Variants in AUTS2 observed in about 807,000 individuals in gnomAD.
AUTS2 encodes activator of transcription and developmental regulator AUTS2, also known as autism susceptibility gene 2 protein.
In AUTS2, 17 loss-of-function variants were observed where a neutral mutation model predicts 112.4. The observed-to-expected ratio is 0.15, with a 90% CI of 0.10 to 0.23. The LOEUF is 0.23. Ranked by LOEUF, AUTS2 falls within the 10% of genes least tolerant of loss-of-function variation. AUTS2 has a pLI of 1.00. For missense variants in AUTS2, 1,510 were observed against 1,701.6 expected (o/e 0.89, Z 1.98); for synonymous variants, 751 against 702.7 (o/e 1.07, Z -1.09).
chr7:70,738,128 G>T (rs1787876670), intron 6 of AUTS2, among the ~76,000 whole-genome samples: 1 of 152,202 alleles, frequency 6.6e-6, no homozygotes, highest in East Asian at 1.9e-4. Context: ...TACTTCATGG[G>T]CCCTTCTGCA....
intron 1 of AUTS2, among the ~76,000 whole-genome samples, chr7:69,864,719 C>T (rs779206018): frequency 2.6e-5 from 4 of 152,058 alleles, no homozygotes; most frequent in Non-Finnish European, 4.4e-5. Flanking sequence ...AATCGGATAA[C>T]AGAAGCATTA....
intron 1 of AUTS2, among the ~76,000 whole-genome samples, chr7:69,809,553 CA>C (rs1200853946): frequency 6.6e-6 from 1 of 152,190 alleles, no homozygotes; most frequent in East Asian, 1.9e-4. Flanking sequence ...CCACCCCAAT[CA>C]AAAGACAAAT....
chr7:70,513,756 T>A (rs1799302453), intron 5 of AUTS2, among the ~76,000 whole-genome samples: 1 of 151,672 alleles, frequency 6.6e-6, no homozygotes, highest in African/African-American at 2.4e-5. Context: ...TGCTCCTGGA[T>A]TCAAGTGATT....
chr7:70,746,099 CA>C (rs1311251673), intron 6 of AUTS2, among the ~76,000 whole-genome samples: 5 of 152,142 alleles, frequency 3.3e-5, no homozygotes, highest in African/African-American at 7.2e-5. Flanking sequence ...AATCATTCCT[CA>C]AAAAAGTTGT....
chr7:69,904,660 T>A (rs1395656104), intron 2 of AUTS2, among the ~76,000 whole-genome samples: 1 of 152,210 alleles, frequency 6.6e-6, no homozygotes, highest in Non-Finnish European at 1.5e-5. Flanking sequence ...ACTTCAAAAT[T>A]TCAAGTTTAC....
At chr7:70,418,963 T>C (rs958441383) in intron 4 of AUTS2, among the ~76,000 whole-genome samples, 1 of 152,054 alleles carries the variant, frequency 6.6e-6, no homozygotes, top group East Asian at 1.9e-4. Flanking sequence ...AAAGTAGCAG[T>C]TTTTAATGTA....
intron 1 of AUTS2, among the ~76,000 whole-genome samples, chr7:69,831,010 G>C (rs780127556): frequency 3.9e-5 from 6 of 152,140 alleles, no homozygotes; most frequent in South Asian, 2.1e-4. Flanking sequence ...GAAAGGACAG[G>C]AAAGGAAGGC....
chr7:70,177,022 A>G (rs1470001818), intron 4 of AUTS2, among the ~76,000 whole-genome samples: 1 of 152,242 alleles, frequency 6.6e-6, no homozygotes, highest in Non-Finnish European at 1.5e-5. Context: ...TCAATGCAAA[A>G]TATCATCATT....
intron 2 of AUTS2, among the ~76,000 whole-genome samples, chr7:69,977,902 ATCT>A (rs1470172720): frequency 6.6e-6 from 1 of 152,144 alleles, no homozygotes; most frequent in Non-Finnish European, 1.5e-5. Flanking sequence ...CCAGTACGTC[ATCT>A]TCTTTTCACT....
At chr7:70,225,412 T>C (rs1811710953) in intron 4 of AUTS2, among the ~76,000 whole-genome samples, 1 of 152,180 alleles carries the variant, frequency 6.6e-6, no homozygotes, top group Non-Finnish European at 1.5e-5. Context: ...ATTTCTCTTA[T>C]AGCATCTTGA....
chr7:69,766,253 A>G (rs1475068373), intron 1 of AUTS2, among the ~76,000 whole-genome samples: 1 of 152,188 alleles, frequency 6.6e-6, no homozygotes, highest in African/African-American at 2.4e-5. Context: ...CTCAAGGTTC[A>G]TTCATGTTGT....
At chr7:69,783,454 AT>A (rs1282709680) in intron 1 of AUTS2, among the ~76,000 whole-genome samples, 2 of 151,966 alleles carry the variant, frequency 1.3e-5, no homozygotes, top group Admixed American at 6.6e-5. Context: ...TCCCACTGGG[AT>A]TCAGTTTCCT....
At chr7:69,605,525 G>A (rs538642044) in intron 1 of AUTS2, among the ~76,000 whole-genome samples, 1 of 152,214 alleles carries the variant, frequency 6.6e-6, no homozygotes, top group African/African-American at 2.4e-5. Context: ...TATCCTCTTT[G>A]TCCCTTCTGG....
At chr7:69,835,924 A>G (rs185258493) in intron 1 of AUTS2, among the ~76,000 whole-genome samples, 82 of 152,318 alleles carry the variant, frequency 5.4e-4, no homozygotes, top group African/African-American at 1.9e-3. Flanking sequence ...ACAGTATCAG[A>G]GTATGGACAC....
chr7:70,001,483 G>A (rs1040658663), intron 2 of AUTS2, among the ~76,000 whole-genome samples: 3 of 151,872 alleles, frequency 2.0e-5, no homozygotes, highest in East Asian at 1.9e-4. Context: ...ATTGCCAATG[G>A]TGGTTGGTAT....
chr7:69,743,262 T>G (rs1787345395), intron 1 of AUTS2, among the ~76,000 whole-genome samples: 1 of 152,202 alleles, frequency 6.6e-6, no homozygotes, highest in South Asian at 2.1e-4. Context: ...TTGACACACA[T>G]GAAGACCTGA....
chr7:69,866,425 C>T (rs1014725057), intron 1 of AUTS2, among the ~76,000 whole-genome samples: 10 of 152,122 alleles, frequency 6.6e-5, no homozygotes, highest in African/African-American at 2.2e-4. Context: ...TGATTGCCCC[C>T]CTGGAGTGTA....
intron 5 of AUTS2, among the ~76,000 whole-genome samples, chr7:70,535,613 C>T (rs1388535902): frequency 6.6e-6 from 1 of 152,046 alleles, no homozygotes; most frequent in Non-Finnish European, 1.5e-5. Context: ...CGGGGTTTCA[C>T]CAGGTTAGCC....
intron 1 of AUTS2, among the ~76,000 whole-genome samples, chr7:69,778,512 G>C (rs1439607943): frequency 6.6e-6 from 1 of 152,076 alleles, no homozygotes; most frequent in African/African-American, 2.4e-5. Flanking sequence ...GTAATGTGCA[G>C]TAAGGTTTGG....
Sources: allele counts gnomAD v4.1 joint callset (sites outside exome capture counted in the v4.1 genomes callset), GRCh38; gene constraint gnomAD v4.1.1; transcripts MANE v1.5; gene names NCBI Gene and HGNC (gene_info 2026-07-23, HGNC 2026-07-21).